Variants in DNAH12 observed in about 807,000 individuals in gnomAD.
DNAH12 encodes axonemal beta dynein heavy chain 12.
Under a neutral mutation model 371.5 loss-of-function variants are expected in DNAH12, and 285 were observed. The ratio of observed to expected loss-of-function variants is 0.77; its 90% CI spans 0.70 to 0.85. The LOEUF is 0.85. DNAH12 is among the 40% of genes least tolerant of loss of function. DNAH12 has a pLI of 0.00. For synonymous variants in DNAH12, 1,200 were observed against 1,213.0 expected (o/e 0.99, Z 0.22); for missense variants, 3,611 against 3,689.4 (o/e 0.98, Z 0.55).
At chr3:57,321,578 G>A (rs1020680362) in intron 65 of DNAH12, among the ~76,000 whole-genome samples, 10 of 152,212 alleles carry the variant, frequency 6.6e-5, no homozygotes, top group Middle Eastern at 6.8e-3. Flanking sequence ...GATATGCTCA[G>A]CCCAGCTTCT....
Position 57,323,115 on chromosome 3 carries a change from A to G in DNAH12, c.10275T>C (p.His3425=). The change falls in exon 64 of 74, where the codon CAT becomes CAC. Residue 3425 remains histidine, a synonymous_variant. Transcript: ENST00000495027. The part of the protein sequence containing the change: ...EGTWVCLQNC[H]LAVSWMPMLE... ...ACATGGGCATCCAGGACACTGCAAGATGGCAATTCTGTAGGCACACCCAAG... is the reference window on the plus strand; with the variant it reads ...ACATGGGCATCCAGGACACTGCAAGGTGGCAATTCTGTAGGCACACCCAAG... 6.4e-7 allele frequency: 1 copy of G among 1,552,432 alleles called. No individual in the cohort carries two copies. The highest frequency in any genetic ancestry group is 8.7e-7 in the Non-Finnish European group (1 of 1,147,146).
At chr3:57,474,273 TTTAAAATATATAAAAATA>T (rs1304028499) in intron 13 of DNAH12, among the ~76,000 whole-genome samples, 3 of 152,122 alleles carry the variant, frequency 2.0e-5, no homozygotes, top group African/African-American at 7.2e-5. Context: ...AGAAGAGAAA[TTTAAAATATATAAAAATA>T]TTAAAGTTAA....
chr3:57,446,828 C>T (rs2065516523), intron 25 of DNAH12, 139 bp from the exon 26 acceptor site: 5 of 917,194 alleles, frequency 5.5e-6, no homozygotes, highest in East Asian at 3.1e-5. Flanking sequence ...ATTTTTAGCC[C>T]AAATTTTTCT....
chr3:57,487,979 C>G (rs532188793), intron 12 of DNAH12, among the ~76,000 whole-genome samples: 2 of 151,804 alleles, frequency 1.3e-5, no homozygotes, highest in South Asian at 2.1e-4. Flanking sequence ...GGTTCTAATA[C>G]TTTACCCTCT....
chr3:57,318,567 A>C (rs2061736340), intron 65 of DNAH12, among the ~76,000 whole-genome samples: 1 of 152,092 alleles, frequency 6.6e-6, no homozygotes. Flanking sequence ...CCCAAAACCC[A>C]AAATCCAAAA....
At chr3:57,449,234 A>T (rs112142959) in intron 25 of DNAH12, among the ~76,000 whole-genome samples, 2 of 152,348 alleles carry the variant, frequency 1.3e-5, no homozygotes, top group African/African-American at 4.8e-5. Context: ...TGAGCTAGAC[A>T]TAAAGACTCT....
At chr3:57,447,151 T>C (rs754721931) in intron 25 of DNAH12, among the ~76,000 whole-genome samples, 10 of 152,236 alleles carry the variant, frequency 6.6e-5, no homozygotes, top group Non-Finnish European at 1.3e-4. Context: ...TGCCTGGCTA[T>C]TGCCTTTTAC....
At chr3:57,308,572 A>G (rs1254908404) in intron 69 of DNAH12, among the ~76,000 whole-genome samples, 1 of 152,062 alleles carries the variant, frequency 6.6e-6, no homozygotes, top group Non-Finnish European at 1.5e-5. Context: ...CATCCCTGCT[A>G]TCTTGTCTAG....
intron 43 of DNAH12, among the ~76,000 whole-genome samples, chr3:57,398,564 G>T (rs1211624896): frequency 6.6e-6 from 1 of 152,178 alleles, no homozygotes; most frequent in Non-Finnish European, 1.5e-5. Context: ...AAAGCAACTT[G>T]TCATCTACAA....
At chr3:57,347,147 C>T (rs2062562224) in intron 60 of DNAH12, among the ~76,000 whole-genome samples, 1 of 151,994 alleles carries the variant, frequency 6.6e-6, no homozygotes, top group African/African-American at 2.4e-5. Context: ...CAGAGCCAAG[C>T]AAGACATTAT....
At chr3:57,380,112 A>G (rs1319007411) in intron 51 of DNAH12, among the ~76,000 whole-genome samples, 166 bp downstream of exon 51, 4 of 152,150 alleles carry the variant, frequency 2.6e-5, no homozygotes, top group Non-Finnish European at 5.9e-5. Context: ...GGTTTTAAAC[A>G]TTATGAAAAC....
intron 45 of DNAH12, among the ~76,000 whole-genome samples, chr3:57,388,278 T>C (rs2063536170): frequency 2.6e-5 from 4 of 152,204 alleles, no homozygotes; most frequent in Non-Finnish European, 5.9e-5. Context: ...AAAACAGCAT[T>C]CCTTCCCCCA....
intron 8 of DNAH12, among the ~76,000 whole-genome samples, chr3:57,504,710 C>G (rs2067686960): frequency 6.6e-6 from 1 of 152,182 alleles, no homozygotes; most frequent in South Asian, 2.1e-4. Flanking sequence ...ATTTCCATCA[C>G]TTCAAGTATT....
At chr3:57,521,096 A>G (rs930209362) in intron 4 of DNAH12, among the ~76,000 whole-genome samples, 1 of 142,700 alleles carries the variant, frequency 7.0e-6, no homozygotes, top group Non-Finnish European at 1.5e-5. Context: ...AAAAAAAAAA[A>G]AAAATTCTGG....
chr3:57,325,012 T>A (rs1217737548), intron 62 of DNAH12, among the ~76,000 whole-genome samples: 1 of 152,094 alleles, frequency 6.6e-6, no homozygotes, highest in Non-Finnish European at 1.5e-5. Flanking sequence ...GCAGCGAGGC[T>A]GGGGAAGGGG....
At chr3:57,421,924 G>A (rs1359245021) in intron 35 of DNAH12, among the ~76,000 whole-genome samples, 1 of 22,806 alleles carries the variant, frequency 4.4e-5, no homozygotes. Flanking sequence ...TTTTTTTTTT[G>A]AGACAGCGCC....
intron 2 of DNAH12, among the ~76,000 whole-genome samples, chr3:57,526,138 G>A (rs2068638231): frequency 6.6e-6 from 1 of 151,910 alleles, no homozygotes. Context: ...CACAGCCTCT[G>A]GTAACCAGCC....
intron 42 of DNAH12, among the ~76,000 whole-genome samples, chr3:57,404,390 G>A (rs554381877): frequency 3.3e-5 from 5 of 152,018 alleles, no homozygotes; most frequent in South Asian, 2.1e-4. Flanking sequence ...ACATATTTAC[G>A]AATACATACA....
At chr3:57,552,257 A>AG in the DNAH12 span, among the ~76,000 whole-genome samples, 1 of 151,356 alleles carries the variant, frequency 6.6e-6, no homozygotes, top group Admixed American at 6.6e-5. Flanking sequence ...AAAAAAAAAA[A>AG]AGAGATGGGG....
Sources: allele counts gnomAD v4.1 joint callset (sites outside exome capture counted in the v4.1 genomes callset), GRCh38; gene constraint gnomAD v4.1.1; transcripts MANE v1.5; gene names NCBI Gene and HGNC (gene_info 2026-07-23, HGNC 2026-07-21).